The following ANKRD55 variants were observed in gnomAD, a reference collection of about 807,000 sequenced individuals.
The protein encoded by ANKRD55 is ankyrin repeat domain 55.
Under a neutral mutation model 60.6 loss-of-function variants are expected in ANKRD55, and 41 were observed. The observed-to-expected ratio is 0.68, with a 90% confidence interval of 0.53 to 0.88. The LOEUF is 0.88. Among genes scored for constraint, ANKRD55 ranks in the 40% least tolerant of loss-of-function variants. The probability of loss-of-function intolerance (pLI) is 0.00; values close to 1 mark genes in which losing one functional copy is unlikely to be tolerated. For synonymous variants in ANKRD55, 264 were observed against 290.3 expected, an observed-to-expected ratio of 0.91 and a Z score of 0.92; for missense variants, 732 against 767.6, an observed-to-expected ratio of 0.95 and a Z score of 0.55.
chr5:56,201,073 T>C (rs1759355212), intron 2 of ANKRD55, among the ~76,000 whole-genome samples: 1 of 152,220 alleles, frequency 6.6e-6, no homozygotes, highest in African/African-American at 2.4e-5. Context: ...TTATTTATGA[T>C]TGAGACATAC....
intron 2 of ANKRD55, among the ~76,000 whole-genome samples, chr5:56,213,241 G>A (rs1242575438): frequency 1.3e-5 from 2 of 152,052 alleles, no homozygotes; most frequent in Admixed American, 6.6e-5. Context: ...ACTTTTATTT[G>A]TAAAAATAAA....
At chr5:56,184,229 C>T (rs1420738947) in intron 2 of ANKRD55, among the ~76,000 whole-genome samples, 2 of 152,196 alleles carry the variant, frequency 1.3e-5, no homozygotes, top group Non-Finnish European at 2.9e-5. Flanking sequence ...CTGCCTTCCC[C>T]TAGTGCCGTG....
At chr5:56,226,613 T>C (rs185572384) in intron 2 of ANKRD55, among the ~76,000 whole-genome samples, 2 of 152,046 alleles carry the variant, frequency 1.3e-5, no homozygotes, top group Non-Finnish European at 2.9e-5. Context: ...ATATCCATAA[T>C]CTACAAAGAA....
intron 2 of ANKRD55, among the ~76,000 whole-genome samples, chr5:56,206,203 C>T (rs112207863): frequency 0.033 from 4,970 of 152,090 alleles, 89 homozygotes; most frequent in Middle Eastern, 0.054. Context: ...TCTCAAACTC[C>T]TGGGCTCAAG....
intron 2 of ANKRD55, among the ~76,000 whole-genome samples, chr5:56,201,849 A>G (rs779888587): frequency 2.6e-5 from 4 of 152,234 alleles, no homozygotes; most frequent in Admixed American, 6.5e-5. Context: ...CATGCATATC[A>G]CAATAGCAGC....
At position 56,213,067 on chromosome 5, in the gene ANKRD55, G is replaced by A. The variant is rs577635325; in HGVS notation, c.58+19789C>T. On this transcript the variant is annotated intron_variant, in intron 2 of 11. Transcript: ENST00000341048. The stretch of plus-strand genomic sequence containing the variant: ...CCTTCTGGATAAAAACTTTATTGTG[G>A]GATATAACAGAAAAGTTGGATTTAT... Among the ~76,000 whole-genome samples, 3 of 152,108 alleles carry A rather than the reference G, an allele frequency of 2.0e-5. No homozygotes were observed. The South Asian group carries it at 6.2e-4, about 32-fold the overall frequency.
rs112512051 is a variant in ANKRD55, at chr5:56,120,607, C to T, written c.798-3825G>A. ...GGAAAGGTGGTCCCCCTTCAATGGA[C>T]GAGGTGGGACAGCTGGGCATGGTGG... On this transcript the variant is annotated intron_variant, in intron 8 of 11. Coordinates refer to ENST00000341048, the MANE Select transcript of ANKRD55 (RefSeq NM_024669.3). Among the ~76,000 whole-genome samples the T allele has an allele frequency of 7.9e-3, 1,200 of 152,148 alleles. 15 individuals carry two copies. Among genetic ancestry groups the T allele is most frequent in the African/African-American group, 0.026 (1,100 of 41,522 alleles).
At chr5:56,197,914 C>T (rs1351684807) in intron 2 of ANKRD55, among the ~76,000 whole-genome samples, 1 of 152,172 alleles carries the variant, frequency 6.6e-6, no homozygotes, top group African/African-American at 2.4e-5. Flanking sequence ...TAGTTATTAG[C>T]AGGCTGATGC....
At chr5:56,231,368 G>A (rs1760247290) in intron 2 of ANKRD55, among the ~76,000 whole-genome samples, 1 of 152,128 alleles carries the variant, frequency 6.6e-6, no homozygotes, top group African/African-American at 2.4e-5. Flanking sequence ...TACAGCACTG[G>A]AACATGTAAA....
chr5:56,132,931 GTAT>G (rs1757462516), intron 7 of ANKRD55, among the ~76,000 whole-genome samples: 1 of 152,142 alleles, frequency 6.6e-6, no homozygotes, highest in Admixed American at 6.5e-5. Flanking sequence ...ATAAAGAAGG[GTAT>G]TACATAATGA....
At position 56,104,054 on chromosome 5, in the gene ANKRD55, C is replaced by A. The variant is rs72767204; in HGVS notation, c.1631-1468G>T. ...AGCCATTATTTACAGAGAAAATATT[C>A]CTGTGTAGAATTAACATGAAAATTT... On this transcript the variant is annotated intron_variant, in intron 10 of 11. Transcript: ENST00000341048. 6.5e-3 allele frequency among the ~76,000 whole-genome samples: 989 copies of A among 152,172 alleles called. 7 individuals are homozygous for A. Among genetic ancestry groups the A allele is most frequent in the South Asian group, 0.012 (58 of 4,818 alleles).
rs160394 is a variant in ANKRD55, at chr5:56,156,284, G to A, written c.483+3549C>T. 6.1e-3 allele frequency among the ~76,000 whole-genome samples: 923 copies of A among 152,322 alleles called. 9 individuals are homozygous for A. The highest frequency in any genetic ancestry group is 0.021 in the African/African-American group (855 of 41,566). Reference sequence around the variant, plus strand: ...CTGCTTTCTGGGCTTAAAACCCAACGGGTCCATATGCTGGTGTAATAGCAG... The same window carrying A: ...CTGCTTTCTGGGCTTAAAACCCAACAGGTCCATATGCTGGTGTAATAGCAG... On this transcript the variant is annotated intron_variant, in intron 6 of 11. Transcript: ENST00000341048.
intron 9 of ANKRD55, among the ~76,000 whole-genome samples, chr5:56,114,608 CA>C (rs1369389290): frequency 1.3e-5 from 2 of 152,074 alleles, no homozygotes; most frequent in South Asian, 4.1e-4. Context: ...CAATATTTTC[CA>C]AATGACCAAT....
chr5:56,164,288 A>G (rs930072481), intron 5 of ANKRD55, among the ~76,000 whole-genome samples: 1 of 152,012 alleles, frequency 6.6e-6, no homozygotes, highest in Non-Finnish European at 1.5e-5. Flanking sequence ...GAATGTTCCC[A>G]GCCCTGGAGC....
chr5:56,149,377 T>A lies in ANKRD55; in HGVS notation c.484-5448A>T, dbSNP rs531225671. On this transcript the variant is annotated intron_variant, in intron 6 of 11. Transcript: ENST00000341048. ...ATAAGAATAATATGTCTGACATTTT[T>A]AAAAAAAGACTTTAGAATGGGAGTT... Among the ~76,000 whole-genome samples the A allele has an allele frequency of 8.0e-4, 121 of 152,196 alleles. 1 individual carries two copies. Among genetic ancestry groups the A allele is most frequent in the African/African-American group, 2.6e-3 (110 of 41,536 alleles).
intron 2 of ANKRD55, among the ~76,000 whole-genome samples, chr5:56,222,886 C>A (rs1460897002): frequency 6.6e-6 from 1 of 152,148 alleles, no homozygotes; most frequent in African/African-American, 2.4e-5. Flanking sequence ...ATTGGTGTAC[C>A]TGAAAGTGAC....
chr5:56,100,064 G>A lies in ANKRD55; in HGVS notation c.*119C>T. On this transcript the variant is annotated 3_prime_UTR_variant, in exon 12 of 12. Transcript: ENST00000341048. ...ATAAAGAATTTCGAGTTATAAAACT[G>A]ATGGCTTATAGAATGCAGCTTACTA... 2.3e-6 allele frequency: 3 copies of A among 1,330,762 alleles called. No homozygotes were observed. The highest frequency in any genetic ancestry group is 2.9e-5 in the African/African-American group (2 of 68,752). The allele number at this position is 1,330,762 out of a possible 1,614,324, so 82.4% of individuals were successfully genotyped here.
intron 6 of ANKRD55, among the ~76,000 whole-genome samples, chr5:56,159,585 G>C (rs766367593): frequency 1.3e-5 from 2 of 152,154 alleles, no homozygotes; most frequent in East Asian, 3.9e-4. Context: ...AATTTCAGTC[G>C]TATGATAAAT....
chr5:56,182,502 T>C (rs1338250328), intron 3 of ANKRD55, among the ~76,000 whole-genome samples: 1 of 152,230 alleles, frequency 6.6e-6, no homozygotes, highest in African/African-American at 2.4e-5. Flanking sequence ...AAGCATGTTT[T>C]CAATTGCTCA....
Sources: gnomAD v4.1 joint callset for allele counts (sites outside exome capture counted in the v4.1 genomes callset) on GRCh38, gnomAD v4.1.1 for gene constraint, MANE v1.5 for transcripts, NCBI Gene and HGNC (gene_info 2026-07-23, HGNC 2026-07-21) for gene names.